TMEM232: variants seen among roughly 807,000 people sequenced by gnomAD.
The protein encoded by TMEM232 is transmembrane protein 232.
A neutral mutation model predicts 78.8 loss-of-function variants in TMEM232; 80 were observed. The ratio of observed to expected loss-of-function variants is 1.01; its 90% CI spans 0.85 to 1.22. TMEM232 has a LOEUF of 1.22. TMEM232 is among the 50% of genes most tolerant of loss of function. The pLI, the probability that TMEM232 is intolerant of heterozygous loss-of-function variation, is 0.00. For synonymous variants in TMEM232, 297 were observed against 254.3 expected (o/e 1.17, Z -1.60); for missense variants, 881 against 742.2 (o/e 1.19, Z -2.17).
intron 1 of TMEM232, among the ~76,000 whole-genome samples, chr5:110,676,772 TTTAA>T (rs1370355230): frequency 7.2e-6 from 1 of 139,714 alleles, no homozygotes; most frequent in Non-Finnish European, 1.5e-5. Flanking sequence ...TATTTATTTA[TTTAA>T]TATACGGAGT....
chr5:110,406,263 T>TACACACACACAC (rs770672662), intron 2 of TMEM232, among the ~76,000 whole-genome samples: 2 of 51,670 alleles, frequency 3.9e-5, no homozygotes, highest in African/African-American at 7.1e-5. Flanking sequence ...CACAGATATA[T>TACACACACACAC]ATACACACAC....
At chr5:110,439,678 T>C (rs1293882534) in intron 12 of TMEM232, among the ~76,000 whole-genome samples, 1 of 152,050 alleles carries the variant, frequency 6.6e-6, no homozygotes, top group Non-Finnish European at 1.5e-5. Context: ...TCAGATTGTA[T>C]AGAGACTGGC....
At chr5:110,727,797 C>T (rs79889220), upstream of TMEM232, among the ~76,000 whole-genome samples, 4,405 of 152,080 alleles carry the variant, frequency 0.029, 175 homozygotes, top group African/African-American at 0.089. Context: ...GCTTCTCTGA[C>T]GTATCACTCC....
At chr5:110,579,391 T>C (rs1430673600) in intron 10 of TMEM232, among the ~76,000 whole-genome samples, 4 of 151,648 alleles carry the variant, frequency 2.6e-5, no homozygotes, top group Admixed American at 2.6e-4. Flanking sequence ...AACTACAATA[T>C]GATAGCATAA....
chr5:110,540,789 T>A (rs1773012127), intron 11 of TMEM232, among the ~76,000 whole-genome samples: 1 of 152,162 alleles, frequency 6.6e-6, no homozygotes, highest in African/African-American at 2.4e-5. Context: ...TCTATACAGA[T>A]TCTAAATATA....
intron 8 of TMEM232, among the ~76,000 whole-genome samples, chr5:110,615,457 C>A (rs1253117835): frequency 5.3e-5 from 8 of 151,902 alleles, no homozygotes; most frequent in Admixed American, 3.9e-4. Flanking sequence ...AGAGTGCTCT[C>A]TGATCAGTTT....
At chr5:110,629,082 G>A (rs1417999793) in intron 5 of TMEM232, 1 of 151,834 alleles carries the variant, frequency 6.6e-6, no homozygotes, top group South Asian at 2.1e-4. Flanking sequence ...TTCTCTAAGA[G>A]ACCGAAGTTA....
chr5:110,618,183 T>C (rs1354819388), intron 8 of TMEM232, among the ~76,000 whole-genome samples: 1 of 150,220 alleles, frequency 6.7e-6, no homozygotes, highest in Non-Finnish European at 1.5e-5. Flanking sequence ...AAAAACTGCA[T>C]TTAATAAAAA....
intron 10 of TMEM232, among the ~76,000 whole-genome samples, chr5:110,590,175 A>C (rs1779329062): frequency 6.6e-6 from 1 of 152,112 alleles, no homozygotes; most frequent in African/African-American, 2.4e-5. Flanking sequence ...ATTGCCAGAG[A>C]CCCCAACTTG....
chr5:110,622,463 T>C (rs1783865067), intron 7 of TMEM232, among the ~76,000 whole-genome samples: 1 of 152,206 alleles, frequency 6.6e-6, no homozygotes, highest in Admixed American at 6.5e-5. Context: ...GTTCTTGCGA[T>C]AGTTTACTGA....
chr5:110,700,434 A>G (rs951383793), intron 1 of TMEM232, among the ~76,000 whole-genome samples: 1 of 152,064 alleles, frequency 6.6e-6, no homozygotes, highest in Non-Finnish European at 1.5e-5. Flanking sequence ...GACCAAAGTT[A>G]TACAGCCAAA....
intron 11 of TMEM232, among the ~76,000 whole-genome samples, chr5:110,560,104 T>A (rs777170071): frequency 1.4e-4 from 21 of 152,308 alleles, no homozygotes; most frequent in African/African-American, 4.6e-4. Flanking sequence ...ATTAGGACTA[T>A]AACATCTCTT....
intron 1 of TMEM232, among the ~76,000 whole-genome samples, chr5:110,673,029 A>G (rs1791566002): frequency 6.6e-6 from 1 of 152,216 alleles, no homozygotes; most frequent in Non-Finnish European, 1.5e-5. Flanking sequence ...CACTATTCAC[A>G]ATAGCAAAGA....
chr5:110,486,499 T>C (rs1764481356), intron 12 of TMEM232, among the ~76,000 whole-genome samples: 2 of 152,116 alleles, frequency 1.3e-5, no homozygotes, highest in South Asian at 4.1e-4. Context: ...TTGTATAAGG[T>C]GAGAGATGAG....
intron 10 of TMEM232, among the ~76,000 whole-genome samples, chr5:110,596,709 T>C (rs192565546): frequency 1.3e-5 from 2 of 152,176 alleles, no homozygotes; most frequent in African/African-American, 2.4e-5. Flanking sequence ...GCTGGTTCAA[T>C]ATACGCTAAT....
intron 5 of TMEM232, among the ~76,000 whole-genome samples, chr5:110,631,846 T>C (rs961864900): frequency 1.3e-5 from 2 of 152,092 alleles, no homozygotes; most frequent in African/African-American, 4.8e-5. Flanking sequence ...ACCTACACCA[T>C]GCCACCTACC....
intron 11 of TMEM232, among the ~76,000 whole-genome samples, chr5:110,550,703 G>T (rs765698102): frequency 6.6e-6 from 1 of 151,612 alleles, no homozygotes; most frequent in Admixed American, 6.6e-5. Flanking sequence ...TTAAAAAGTG[G>T]CAGGATGTAA....
chr5:110,606,858 A>T (rs1269936707), intron 8 of TMEM232, among the ~76,000 whole-genome samples: 2 of 152,026 alleles, frequency 1.3e-5, no homozygotes, highest in Non-Finnish European at 2.9e-5. Flanking sequence ...TTAGTTATAA[A>T]TGTACATATA....
chr5:110,514,668 CATTT>C (rs1768337915), intron 12 of TMEM232, among the ~76,000 whole-genome samples: 1 of 152,032 alleles, frequency 6.6e-6, no homozygotes, highest in East Asian at 1.9e-4. Flanking sequence ...AGACTTTTTA[CATTT>C]TTTTTCCTTC....
Sources: allele counts gnomAD v4.1 joint callset (sites outside exome capture counted in the v4.1 genomes callset), GRCh38; gene constraint gnomAD v4.1.1; transcripts MANE v1.5; gene names NCBI Gene and HGNC (gene_info 2026-07-23, HGNC 2026-07-21).